The following LRRTM3 variants were observed in gnomAD, a reference collection of about 807,000 sequenced individuals.
The protein encoded by LRRTM3 is leucine rich repeat transmembrane neuronal 3.
Under a neutral mutation model 44.7 loss-of-function variants are expected in LRRTM3, and 24 were observed. That is an observed-to-expected ratio of 0.54 (90% CI 0.39 to 0.76). The LOEUF is 0.76. LRRTM3 is among the 30% of genes least tolerant of loss of function. The probability of loss-of-function intolerance (pLI) is 0.00; values close to 1 mark genes in which losing one functional copy is unlikely to be tolerated. For synonymous variants in LRRTM3, 277 were observed against 278.7 expected (o/e 0.99, Z 0.06); for missense variants, 587 against 702.2 (o/e 0.84, Z 1.85).
rs190188265 is a variant in LRRTM3, at chr10:67,007,538, G to C, written c.1536+79086G>C. ...TCAACTGCCACTGAAACTTTAATTAGGTCAAACTTGGAATCTAAAATCTTA... is the reference window on the plus strand; with the variant it reads ...TCAACTGCCACTGAAACTTTAATTACGTCAAACTTGGAATCTAAAATCTTA... On this transcript the variant is annotated intron_variant, in intron 2 of 2. Coordinates refer to ENST00000361320, the MANE Select transcript of LRRTM3 (RefSeq NM_178011.5). Among the ~76,000 whole-genome samples, 498 of 151,650 alleles carry C rather than the reference G, an allele frequency of 3.3e-3. 5 individuals are homozygous for C. The highest frequency in any genetic ancestry group is 0.011 in the African/African-American group (468 of 41,378).
chr10:67,058,980 A>C (rs980481570), intron 2 of LRRTM3, among the ~76,000 whole-genome samples: 4 of 152,328 alleles, frequency 2.6e-5, no homozygotes, highest in African/African-American at 4.8e-5. Context: ...CATGACTAAA[A>C]ATTTTGTTTT....
At chr10:67,014,333 G>A (rs1235683246) in intron 2 of LRRTM3, among the ~76,000 whole-genome samples, 2 of 152,016 alleles carry the variant, frequency 1.3e-5, no homozygotes, top group African/African-American at 4.8e-5. Context: ...TTTGTTGAAG[G>A]GAATCTTGGC....
At chr10:66,965,454 G>A (rs561719672) in intron 2 of LRRTM3, among the ~76,000 whole-genome samples, 41 of 151,144 alleles carry the variant, frequency 2.7e-4, no homozygotes, top group Middle Eastern at 3.4e-3. Flanking sequence ...GGAATCGCTT[G>A]AACTGGGGAG....
chr10:66,952,388 A>G (rs776783583), intron 2 of LRRTM3, among the ~76,000 whole-genome samples: 13 of 152,230 alleles, frequency 8.5e-5, no homozygotes, highest in Non-Finnish European at 1.8e-4. Context: ...TTCAGAGACA[A>G]AAGACATAAG....
intron 2 of LRRTM3, among the ~76,000 whole-genome samples, chr10:67,045,739 C>G (rs907300485): frequency 6.6e-6 from 1 of 152,106 alleles, no homozygotes; most frequent in African/African-American, 2.4e-5. Flanking sequence ...CCAAGGCCCC[C>G]CTCTGTTTTT....
At chr10:67,012,186 C>T (rs1852379726) in intron 2 of LRRTM3, 1 of 152,338 alleles carries the variant, frequency 6.6e-6, no homozygotes, top group African/African-American at 2.4e-5. Flanking sequence ...GTGTGTGATG[C>T]ACTTCCTATG....
chr10:67,004,355 T>G (rs992207198), intron 2 of LRRTM3, among the ~76,000 whole-genome samples: 1 of 152,142 alleles, frequency 6.6e-6, no homozygotes, highest in Non-Finnish European at 1.5e-5. Context: ...AATCAAAAAA[T>G]TAAATGGTAA....
At chr10:67,001,250 G>A (rs1484491316) in intron 2 of LRRTM3, among the ~76,000 whole-genome samples, 16 of 148,486 alleles carry the variant, frequency 1.1e-4, no homozygotes, top group South Asian at 2.1e-4. Context: ...GCAGTGAGCC[G>A]AGATGGAGCC....
At chr10:67,061,872 G>A (rs909198889) in intron 2 of LRRTM3, among the ~76,000 whole-genome samples, 2 of 152,128 alleles carry the variant, frequency 1.3e-5, no homozygotes, top group East Asian at 1.9e-4. Context: ...AAAGAATCAA[G>A]TTATGTTCTA....
intron 2 of LRRTM3, among the ~76,000 whole-genome samples, chr10:67,076,233 TCTAA>T (rs1218570045): frequency 6.6e-6 from 1 of 152,230 alleles, no homozygotes; most frequent in Non-Finnish European, 1.5e-5. Flanking sequence ...CATCCTTATC[TCTAA>T]CTATTTTCCT....
chr10:67,016,390 T>G lies in LRRTM3; in HGVS notation c.1537-81197T>G, dbSNP rs564406974. Among the ~76,000 whole-genome samples the G allele has an allele frequency of 7.2e-5, 11 of 152,316 alleles. No individual in the cohort carries two copies. The East Asian group carries it at 1.5e-3, about 21-fold the overall frequency. On this transcript the variant is annotated intron_variant, in intron 2 of 2. Transcript: ENST00000361320. Reference sequence around the variant, plus strand: ...CTCGTTTCTTTTTGTTTGTTTGTTTTATTTAAGGAGTTTGCATGGATCACA... The same window carrying G: ...CTCGTTTCTTTTTGTTTGTTTGTTTGATTTAAGGAGTTTGCATGGATCACA...
intron 2 of LRRTM3, among the ~76,000 whole-genome samples, chr10:67,028,539 G>A (rs17194435): frequency 0.049 from 7,458 of 151,634 alleles, 264 homozygotes; most frequent in Middle Eastern, 0.082. Context: ...ATGAAATCGA[G>A]CAGACATTTT....
intron 2 of LRRTM3, among the ~76,000 whole-genome samples, chr10:67,017,353 G>T (rs1470061022): frequency 6.6e-6 from 1 of 152,204 alleles, no homozygotes; most frequent in Non-Finnish European, 1.5e-5. Context: ...GAGAAAGGCT[G>T]TTTCTGATTA....
chr10:66,964,211 T>A (rs1255832084), intron 2 of LRRTM3, among the ~76,000 whole-genome samples: 1 of 151,990 alleles, frequency 6.6e-6, no homozygotes, highest in Non-Finnish European at 1.5e-5. Context: ...GCTTTGGGAT[T>A]CAGCACAACA....
intron 2 of LRRTM3, among the ~76,000 whole-genome samples, chr10:67,014,490 C>A (rs959447138): frequency 1.3e-5 from 2 of 152,098 alleles, no homozygotes; most frequent in Non-Finnish European, 2.9e-5. Flanking sequence ...ATATATTCTT[C>A]TAGACAAAAT....
At chr10:67,035,192 T>C (rs921742908) in intron 2 of LRRTM3, among the ~76,000 whole-genome samples, 3 of 152,234 alleles carry the variant, frequency 2.0e-5, no homozygotes, top group African/African-American at 7.2e-5. Flanking sequence ...AATATATAGA[T>C]ATGTATAGCA....
At chr10:67,016,144 A>C (rs1852645102) in intron 2 of LRRTM3, among the ~76,000 whole-genome samples, 1 of 152,136 alleles carries the variant, frequency 6.6e-6, no homozygotes, top group Non-Finnish European at 1.5e-5. Flanking sequence ...TGTGAAACAG[A>C]AAATGGTAGT....
rs1847119436 is a variant in LRRTM3, at chr10:66,926,974, C to CTGA, written c.58_59insTGA (p.Pro20delinsLeuThr). On this transcript the variant is annotated protein_altering_variant, in exon 2 of 3. Coordinates refer to ENST00000361320, the MANE Select transcript of LRRTM3 (RefSeq NM_178011.5). ...ATCAGCTGTAGCACTGGTTATAGCCCCCACTGTCTTACTGACAATGCTTTC... is the reference window on the plus strand; with the variant it reads ...ATCAGCTGTAGCACTGGTTATAGCCCTGACCACTGTCTTACTGACAATGCTTTC... 1.2e-6 allele frequency: 2 copies of CTGA among 1,613,840 alleles called. No individual in the cohort carries two copies. The highest frequency in any genetic ancestry group is 1.7e-6 in the Non-Finnish European group (2 of 1,179,988).
At chr10:67,057,421 T>A (rs987055766) in intron 2 of LRRTM3, among the ~76,000 whole-genome samples, 4 of 152,054 alleles carry the variant, frequency 2.6e-5, no homozygotes, top group Non-Finnish European at 5.9e-5. Flanking sequence ...ATCTCTCCAT[T>A]TCTCTCACTC....
Sources: gnomAD v4.1 joint callset for allele counts (sites outside exome capture counted in the v4.1 genomes callset) on GRCh38, gnomAD v4.1.1 for gene constraint, MANE v1.5 for transcripts, NCBI Gene and HGNC (gene_info 2026-07-23, HGNC 2026-07-21) for gene names.